TTYH1: variants seen among roughly 807,000 people sequenced by gnomAD.
TTYH1 encodes the protein protein tweety homolog 1.
In TTYH1, 33 loss-of-function variants were observed where a neutral mutation model predicts 61.2. The observed-to-expected ratio is 0.54, with a 90% CI of 0.41 to 0.72. The LOEUF (loss-of-function observed/expected upper bound fraction) is 0.72. Ranked by LOEUF, TTYH1 falls within the 30% of genes least tolerant of loss-of-function variation. The probability of loss-of-function intolerance (pLI) is 0.00; values close to 1 mark genes in which losing one functional copy is unlikely to be tolerated. For synonymous variants in TTYH1, 308 were observed against 266.4 expected, an observed-to-expected ratio of 1.16 and a Z score of -1.52; for missense variants, 538 against 575.8, an observed-to-expected ratio of 0.93 and a Z score of 0.67.
chr19:54,426,579 TG>T, intron 4 of TTYH1, 93 bp from the exon 5 acceptor site: 2 of 955,736 alleles, frequency 2.1e-6, no homozygotes, highest in Non-Finnish European at 3.4e-6. Flanking sequence ...GAGGCTGAGC[TG>T]GGGGGCAGGG....
intron 3 of TTYH1, 73 bp from the exon 4 acceptor site, chr19:54,422,117 T>C: frequency 7.5e-7 from 1 of 1,324,844 alleles, no homozygotes; most frequent in South Asian, 1.4e-5. Context: ...CCTTCACTTC[T>C]AAAACCCCAT....
In TTYH1 at chr19:54,419,171, T is replaced by C; in HGVS notation, c.170T>C (p.Leu57Pro). Residue 57 changes from leucine to proline, a missense_variant, in exon 2 of 14, where the codon CTG becomes CCG. This residue lies in a region of TTYH1 where 157 missense variants were observed against 157.0 expected (regional missense o/e 1.00). Transcript: ENST00000376530. The surrounding 1 kb of genome is among the most constrained non-coding windows in gnomAD (Gnocchi z 6.1). ...GCCTTGGCGGGCCTGGGCTTGGGCC[T>C]GAGCCTCATTTTCATCGCTGTCTAC... ...VAALAGLGLG[L>P]SLIFIAVYLI... The C allele has an allele frequency of 6.2e-7, 1 of 1,613,322 alleles. No individual in the cohort carries two copies. The highest frequency in any genetic ancestry group is 1.1e-5 in the South Asian group (1 of 91,078).
chr19:54,431,433 A>C (rs1599914006), intron 10 of TTYH1: 78 of 474,914 alleles, frequency 1.6e-4, no homozygotes, highest in Middle Eastern at 4.9e-4. Context: ...CAACTCCCGC[A>C]CTCCCCGCTG....
At position 54,421,281 on chromosome 19, in the gene TTYH1, G is replaced by A. The variant is rs746220068; in HGVS notation, c.310G>A (p.Gly104Ser). 5 of 1,610,658 alleles carry A rather than the reference G, an allele frequency of 3.1e-6. No individual in the cohort carries two copies. The Admixed American group carries it at 5.0e-5, about 16-fold the overall frequency. ...TCTCCCTCCTCCTCCGCTCAGCACT[G>A]GCATTGGCATCGGTTTCTATGGCAA... ...CIVALLAGCT[G>S]IGIGFYGNSE... The change falls in exon 3 of 14, where the codon GGC (glycine) becomes AGC (serine). Residue 104 changes from glycine (G) to serine (S), a missense_variant. By Grantham distance (56) the Gly-to-Ser change is moderately conservative. Coordinates refer to ENST00000376530, the MANE Select transcript of TTYH1 (RefSeq NM_020659.4). The surrounding 1 kb of genome is among the most constrained non-coding windows in gnomAD (Gnocchi z 4.8).
Position 54,422,268 on chromosome 19 carries a change from A to ACGGAGCT in TTYH1, c.497_503dup (p.Val169GlyfsTer38), listed in dbSNP as rs939402896. 6.4e-7 allele frequency: 1 copy of ACGGAGCT among 1,566,624 alleles called. No individual in the cohort carries two copies. ...CCTGGAGGAGGTGCTCGAGCCGCGC[A>ACGGAGCT]CGGAGCTGGTGGCTGCCGCCCGAGG... On this transcript the variant is annotated frameshift_variant, in exon 4 of 14. Transcript: ENST00000376530. LOFTEE classifies it high-confidence loss of function.
At chr19:54,425,995 C>T (rs760412543) in intron 4 of TTYH1, among the ~76,000 whole-genome samples, 6 of 152,208 alleles carry the variant, frequency 3.9e-5, no homozygotes, top group Non-Finnish European at 5.9e-5. Flanking sequence ...GGATTACAGG[C>T]GTGAGCCACC....
intron 12 of TTYH1, 102 bp from the exon 13 acceptor site, chr19:54,435,989 C>G: frequency 6.4e-7 from 1 of 1,562,834 alleles, no homozygotes; most frequent in Non-Finnish European, 8.8e-7. Flanking sequence ...GGCTGGGGCC[C>G]GGACTCCTGG....
Position 54,422,172 on chromosome 19 carries a change from C to T in TTYH1, c.418-18C>T, listed in dbSNP as rs1295094866. The T allele has an allele frequency of 1.3e-6, 2 of 1,543,264 alleles. No individual in the cohort carries two copies. The highest frequency in any genetic ancestry group is 1.8e-6 in the Non-Finnish European group (2 of 1,141,376). On this transcript the variant is annotated intron_variant, in intron 3 of 13. Transcript: ENST00000376530. ...CCCAGGATGTCCTTCCAGACCTCAG[C>T]CCCTGTCCTATCCCCAGGTGTTGGA...
chr19:54,430,363 G>A lies in TTYH1; in HGVS notation c.884-187G>A, dbSNP rs188593002. Among the ~76,000 whole-genome samples, 516 of 152,290 alleles carry A rather than the reference G, an allele frequency of 3.4e-3. 5 individuals carry two copies. The highest frequency in any genetic ancestry group is 6.3e-3 in the Non-Finnish European group (426 of 68,000). ...AGGGAGTATAGGGTTGCCCACCAGC[G>A]CCTGCTCTGGCTGTGGCAGGAGCAG... On this transcript the variant is annotated intron_variant, in intron 7 of 13. Transcript: ENST00000376530.
rs1449687887 is a variant in TTYH1 at position 54,435,853 on chromosome 19, G to A, written c.1294G>A (p.Asp432Asn). 2 of 1,613,058 alleles carry A rather than the reference G, an allele frequency of 1.2e-6. No homozygotes were observed. The highest frequency in any genetic ancestry group is 2.2e-5 in the East Asian group (1 of 44,884). Residue 432 changes from aspartate (D) to asparagine (N), a missense_variant, in exon 12 of 14, where the codon GAC (aspartate) becomes AAC (asparagine). By Grantham distance (23) the Asp-to-Asn change is conservative. Around this residue, in one of 3 missense-constraint regions of TTYH1, gnomAD observed 378 missense variants for 401.2 expected, o/e 0.94. Coordinates refer to ENST00000376530, the MANE Select transcript of TTYH1 (RefSeq NM_020659.4). ...PSDDYDDTDDDDPFNPQESKR... is the reference protein window; with the variant it reads ...PSDDYDDTDDNDPFNPQESKR... ...TGACGACTACGATGACACAGACGAT[G>A]ACGACCCTTTCAACCCTCAGGTACT...
In TTYH1 at chr19:54,430,143, C is replaced by T. The variant is rs1250919645; in HGVS notation, c.883+186C>T. ...CCAGCTCGGAGCCCTCCTGGAGCCC[C>T]GCCACCCGCCAGACCCTCATCCCTT... On this transcript the variant is annotated intron_variant, in intron 7 of 13. Coordinates refer to ENST00000376530, the MANE Select transcript of TTYH1 (RefSeq NM_020659.4). Among the ~76,000 whole-genome samples, 4 of 152,264 alleles carry T rather than the reference C, an allele frequency of 2.6e-5. No individual in the cohort carries two copies. In the East Asian group the frequency reaches 7.7e-4, roughly 29 times the overall value.
chr19:54,422,136 C>A, intron 3 of TTYH1, 54 bp from the exon 4 acceptor site: 1 of 1,462,214 alleles, frequency 6.8e-7, no homozygotes, highest in Non-Finnish European at 9.3e-7. Flanking sequence ...ATGCCTCGAC[C>A]GCGGGCTCCC....
rs749740535 is a variant in TTYH1, at chr19:54,430,584, C to G, written c.918C>G (p.Ala306=). ...GCTATTATCTCCTCTGCAACCGGGC[C>G]GTCTCCAACCCCTTCCAACAGGTTA... The part of the protein sequence containing the change: ...ILSYYLLCNR[A]VSNPFQQRLT... Residue 306 remains alanine (A), a synonymous_variant, in exon 8 of 14, where the codon GCC becomes GCG. Coordinates refer to ENST00000376530, the MANE Select transcript of TTYH1 (RefSeq NM_020659.4). 21 of 1,613,770 alleles carry G rather than the reference C, an allele frequency of 1.3e-5. No homozygotes were observed. Among genetic ancestry groups the G allele is most frequent in the Non-Finnish European group, 1.8e-5 (21 of 1,179,962 alleles).
At position 54,436,256 on chromosome 19, in the gene TTYH1, G is replaced by T; in HGVS notation, c.*43-77G>T. Reference sequence around the variant, plus strand: ...CCGAGCTGCTCCAGGCATGGGCTGCGTGCCTCCTGCTGGGTGGATCGCACC... The same window carrying T: ...CCGAGCTGCTCCAGGCATGGGCTGCTTGCCTCCTGCTGGGTGGATCGCACC... On this transcript the variant is annotated intron_variant, in intron 13 of 13. Coordinates refer to ENST00000376530, the MANE Select transcript of TTYH1 (RefSeq NM_020659.4). This position sits in a 1 kb window ranked among gnomAD's most constrained non-coding sequence, Gnocchi z 4.3. The T allele has an allele frequency of 1.2e-6, 2 of 1,608,208 alleles. No individual in the cohort carries two copies. Among genetic ancestry groups the T allele is most frequent in the Admixed American group, 1.7e-5 (1 of 59,934 alleles).
chr19:54,419,065 AG>A lies in TTYH1; in HGVS notation c.127-58del. 2 of 1,501,426 alleles carry A rather than the reference AG, an allele frequency of 1.3e-6. No homozygotes were observed. The highest frequency in any genetic ancestry group is 9.0e-7 in the Non-Finnish European group (1 of 1,106,976). 93.0% of individuals were successfully genotyped at this position (1,501,426 alleles called of 1,614,324 possible). On this transcript the variant is annotated intron_variant, in intron 1 of 13. Coordinates refer to ENST00000376530, the MANE Select transcript of TTYH1 (RefSeq NM_020659.4). The surrounding 1 kb of genome is among the most constrained non-coding windows in gnomAD (Gnocchi z 6.1). Reference sequence around the variant, plus strand: ...ACCCCGACCCCCCAGCCACGCAGGAAGGGGGATCTGAGTGTGGAACACACGG... The same window carrying A: ...ACCCCGACCCCCCAGCCACGCAGGAAGGGGATCTGAGTGTGGAACACACGG...
Position 54,416,557 on chromosome 19 carries a change from G to A in TTYH1, c.126+879G>A. 1 of 347,656 alleles carries A rather than the reference G, an allele frequency of 2.9e-6. No individual in the cohort carries two copies. The highest frequency in any genetic ancestry group is 5.4e-6 in the Non-Finnish European group (1 of 184,248). The allele number at this position is 347,656 out of a possible 1,614,324, so 21.5% of individuals were successfully genotyped here. A position where few individuals can be genotyped will look rare whatever the true frequency, so the allele number is the denominator to read the frequency against. Reference sequence around the variant, plus strand: ...TGGCCCCAGGACGGGTCCTGGCCCTGCTGATGGGGCCTGAGCCCCTGGGCT... The same window carrying A: ...TGGCCCCAGGACGGGTCCTGGCCCTACTGATGGGGCCTGAGCCCCTGGGCT... On this transcript the variant is annotated intron_variant, in intron 1 of 13. Coordinates refer to ENST00000376530, the MANE Select transcript of TTYH1 (RefSeq NM_020659.4). The surrounding 1 kb of genome is among the most constrained non-coding windows in gnomAD (Gnocchi z 7.0).
chr19:54,419,021 C>A lies in TTYH1; in HGVS notation c.127-107C>A. 1 of 1,146,278 alleles carries A rather than the reference C, an allele frequency of 8.7e-7. No homozygotes were observed. The highest frequency in any genetic ancestry group is 1.2e-6 in the Non-Finnish European group (1 of 806,344). 71.0% of individuals were successfully genotyped at this position (1,146,278 alleles called of 1,614,324 possible). On this transcript the variant is annotated intron_variant, in intron 1 of 13. Coordinates refer to ENST00000376530, the MANE Select transcript of TTYH1 (RefSeq NM_020659.4). This position sits in a 1 kb window ranked among gnomAD's most constrained non-coding sequence, Gnocchi z 6.1. The stretch of plus-strand genomic sequence containing the variant: ...AGATTAGGCCAGGGATGTCTCCCAC[C>A]TTCACTCTGACATCCCAGACCCCGA...
chr19:54,426,149 GTGT>G (rs59652078), intron 4 of TTYH1, among the ~76,000 whole-genome samples: 4,474 of 152,324 alleles, frequency 0.029, 96 homozygotes, highest in South Asian at 0.087. Context: ...TCTCAAGCCA[GTGT>G]TGTTGTGCTC....
chr19:54,429,400 A>G lies in TTYH1; in HGVS notation c.807+21A>G. 1 of 1,611,658 alleles carries G rather than the reference A, an allele frequency of 6.2e-7. No homozygotes were observed. Among genetic ancestry groups the G allele is most frequent in the Non-Finnish European group, 8.5e-7 (1 of 1,178,640 alleles). ...CCGTGGTGAGTGCCAGGGCCGGGCC[A>G]TTGGGCTCTGGGACTCAGGGGGCCT... is the stretch of plus-strand genomic sequence containing the variant. On this transcript the variant is annotated intron_variant, in intron 6 of 13. Transcript: ENST00000376530. The surrounding 1 kb of genome is among the most constrained non-coding windows in gnomAD (Gnocchi z 5.1).
Sources: allele counts gnomAD v4.1 joint callset (sites outside exome capture counted in the v4.1 genomes callset), GRCh38; gene constraint gnomAD v4.1.1; regional missense constraint gnomAD v4.1.1; non-coding constraint Gnocchi (gnomAD v3.1); transcripts MANE v1.5; gene names NCBI Gene and HGNC (gene_info 2026-07-23, HGNC 2026-07-21).